LACTB2: variants seen among roughly 807,000 people sequenced by gnomAD.
LACTB2 encodes lactamase beta 2.
Under a neutral mutation model 34.8 loss-of-function variants are expected in LACTB2, and 32 were observed. The ratio of observed to expected loss-of-function variants is 0.92; its 90% confidence interval spans 0.69 to 1.24. The LOEUF (loss-of-function observed/expected upper bound fraction) is 1.24, where lower values mean the gene tolerates loss of function less well. LACTB2 is among the 50% of genes most tolerant of loss of function. The pLI is 0.00. For synonymous variants in LACTB2, 120 were observed against 117.5 expected (o/e 1.02, Z -0.14); for missense variants, 320 against 345.0 (o/e 0.93, Z 0.57).
At chr8:70,660,381 T>A in intron 2 of LACTB2, 1 of 353,532 alleles carries the variant, frequency 2.8e-6, no homozygotes, top group Non-Finnish European at 5.5e-6. Flanking sequence ...TGGTACACAG[T>A]CCCCTTAGAT....
At chr8:70,641,237 C>G (rs1818193958) in intron 4 of LACTB2, among the ~76,000 whole-genome samples, 187 bp from the exon 5 acceptor site, 1 of 152,036 alleles carries the variant, frequency 6.6e-6, no homozygotes, top group Admixed American at 6.5e-5. Flanking sequence ...CAATACCCCC[C>G]AATTAGAAAA....
intron 1 of LACTB2, among the ~76,000 whole-genome samples, chr8:70,664,086 G>T (rs921143498): frequency 3.3e-5 from 5 of 152,040 alleles, no homozygotes; most frequent in African/African-American, 1.2e-4. Flanking sequence ...CCATGCATTT[G>T]CAGTTATTTA....
At chr8:70,661,425 AT>A (rs1166155340) in intron 2 of LACTB2, 1 of 282,512 alleles carries the variant, frequency 3.5e-6, no homozygotes, top group Non-Finnish European at 6.8e-6. Flanking sequence ...ACCTCACAGT[AT>A]CCACATAAAT....
At chr8:70,637,943 A>T (rs746969284) in intron 6 of LACTB2, 40 bp from the exon 7 acceptor site, 1 of 1,187,312 alleles carries the variant, frequency 8.4e-7, no homozygotes, top group African/African-American at 1.6e-5. Context: ...TTAACAATAG[A>T]TAAGTAAATG....
At chr8:70,667,213 G>T (rs561928032) in intron 1 of LACTB2, among the ~76,000 whole-genome samples, 68 of 152,326 alleles carry the variant, frequency 4.5e-4, no homozygotes, top group Middle Eastern at 3.4e-3. Flanking sequence ...TAAGGAGGGA[G>T]TCGTCAATGG....
intron 3 of LACTB2, chr8:70,646,442 A>C (rs1026888372): frequency 6.6e-6 from 1 of 152,356 alleles, no homozygotes; most frequent in East Asian, 1.9e-4. Context: ...AAGACACAAG[A>C]AAAAATGCTC....
At chr8:70,640,555 C>T (rs1818183410) in intron 5 of LACTB2, 1 of 155,730 alleles carries the variant, frequency 6.4e-6, no homozygotes, top group Non-Finnish European at 1.4e-5. Context: ...CCCCTCCTCT[C>T]TTGGTGCAGG....
chr8:70,662,835 G>A (rs1443033649), intron 1 of LACTB2: 1 of 152,104 alleles, frequency 6.6e-6, no homozygotes, highest in Non-Finnish European at 1.5e-5. Flanking sequence ...CTACAGGTAT[G>A]TGCCACCATG....
chr8:70,646,408 A>G (rs1475375432), intron 3 of LACTB2: 1 of 152,254 alleles, frequency 6.6e-6, no homozygotes, highest in African/African-American at 2.4e-5. Context: ...AGACACTCTC[A>G]AAAGAAGACA....
intron 1 of LACTB2, chr8:70,663,320 C>G (rs1021780403): frequency 1.3e-5 from 2 of 152,064 alleles, no homozygotes; most frequent in African/African-American, 4.8e-5. Context: ...GGTTTGTTTC[C>G]CTAACCCTAC....
chr8:70,639,940 C>A (rs1467523388), intron 5 of LACTB2, among the ~76,000 whole-genome samples: 1 of 151,254 alleles, frequency 6.6e-6, no homozygotes, highest in African/African-American at 2.5e-5. Context: ...CCAGCCTGGG[C>A]AACAAGAGCA....
chr8:70,646,293 C>G (rs1446485186), intron 3 of LACTB2: 1 of 152,036 alleles, frequency 6.6e-6, no homozygotes, highest in Non-Finnish European at 1.5e-5. Flanking sequence ...AAAATTTTTG[C>G]AATCTACTCA....
intron 5 of LACTB2, 30 bp downstream of exon 5, chr8:70,640,872 C>T (rs1270734294): frequency 1.6e-5 from 25 of 1,534,726 alleles, no homozygotes; most frequent in Non-Finnish European, 2.2e-5. Context: ...AAATTTGTGG[C>T]TACATACAAA....
chr8:70,665,394 CAA>C (rs1412559957), intron 1 of LACTB2, among the ~76,000 whole-genome samples: 2 of 152,178 alleles, frequency 1.3e-5, no homozygotes, highest in Non-Finnish European at 2.9e-5. Flanking sequence ...TTAGTAGAAT[CAA>C]ATTCCTTGTT....
intron 3 of LACTB2, among the ~76,000 whole-genome samples, chr8:70,652,132 T>C (rs951858836): frequency 2.0e-5 from 3 of 152,220 alleles, no homozygotes; most frequent in African/African-American, 7.2e-5. Context: ...CTGCATTTTA[T>C]GTTATTTTTT....
rs1168238261 is a variant in LACTB2, at chr8:70,644,155, C to T, written c.502G>A (p.Gly168Arg). The T allele has an allele frequency of 1.9e-6, 3 of 1,612,890 alleles. No homozygotes were observed. The highest frequency in any genetic ancestry group is 2.5e-6 in the Non-Finnish European group (3 of 1,179,370). ...TCTTCAAATACCGTTGTTCCTTCCC[C>T]TAGGATGCAATCTCCAGAAAAGATA... ...NAIFSGDCIL[G>R]EGTTVFEDLY... The change falls in exon 4 of 7, where the codon GGG (glycine) becomes AGG (arginine). Residue 168 changes from glycine (G) to arginine (R), a missense_variant. Gly to Arg is a moderately radical substitution (Grantham distance 125). Transcript: ENST00000276590.
intron 1 of LACTB2, among the ~76,000 whole-genome samples, chr8:70,665,964 T>C (rs1254162882): frequency 2.0e-5 from 3 of 152,218 alleles, no homozygotes; most frequent in Non-Finnish European, 2.9e-5. Context: ...TGAGTACCTA[T>C]GTACTAAGCA....
At chr8:70,645,224 T>TC (rs749989881) in intron 3 of LACTB2, among the ~76,000 whole-genome samples, 1 of 152,182 alleles carries the variant, frequency 6.6e-6, no homozygotes, top group Non-Finnish European at 1.5e-5. Flanking sequence ...CAAGCAATTC[T>TC]CCAACTTCAG....
intron 2 of LACTB2, chr8:70,661,061 T>C (rs1487689430): frequency 4.4e-6 from 2 of 454,482 alleles, no homozygotes; most frequent in Non-Finnish European, 8.8e-6. Context: ...ATTACAGGCA[T>C]GAGCCACTGC....
Sources: gnomAD v4.1 joint callset for allele counts (sites outside exome capture counted in the v4.1 genomes callset) on GRCh38, gnomAD v4.1.1 for gene constraint, MANE v1.5 for transcripts, NCBI Gene and HGNC (gene_info 2026-07-23, HGNC 2026-07-21) for gene names.